The following IZUMO1 variants were observed in gnomAD, a reference collection of about 807,000 sequenced individuals.
IZUMO1 encodes izumo sperm-oocyte fusion 1.
Under a neutral mutation model 40.7 loss-of-function variants are expected in IZUMO1, and 44 were observed. The observed-to-expected ratio is 1.08, with a 90% CI of 0.85 to 1.39. The LOEUF (loss-of-function observed/expected upper bound fraction) is 1.39. Among genes scored for constraint, IZUMO1 ranks in the 40% most tolerant of loss-of-function variants. IZUMO1 has a pLI of 0.00. For missense variants in IZUMO1, 368 were observed against 436.9 expected, an observed-to-expected ratio of 0.84 and a Z score of 1.41; for synonymous variants, 149 against 170.9, an observed-to-expected ratio of 0.87 and a Z score of 1.00.
rs755560412 is a variant in IZUMO1 at position 48,741,327 on chromosome 19, T to G, written c.906A>C (p.Leu302=). 1 of 1,608,674 alleles carries G rather than the reference T, an allele frequency of 6.2e-7. No individual in the cohort carries two copies. The highest frequency in any genetic ancestry group is 8.5e-7 in the Non-Finnish European group (1 of 1,179,036). The part of the protein sequence containing the change: ...RLLGLLICGS[L]ALITGLTFAI... ...CAAAGGTAAGGCCGGTTATCAGTGC[T>G]AGGGAGCCGCAGATCAGCAGCCCCA... The change falls in exon 9 of 10, where the codon CTA becomes CTC. Residue 302 remains leucine (L), a synonymous_variant. Coordinates refer to ENST00000332955, the MANE Select transcript of IZUMO1 (RefSeq NM_182575.3). The surrounding 1 kb of genome is among the most constrained non-coding windows in gnomAD (Gnocchi z 4.4).
rs200883332 is a variant in IZUMO1, at chr19:48,745,867, G to A, written c.-8C>T. ...GGTAAAATGCGGCCCCATTGCAGCC[G>A]GCGCGCACAGTTCCCGAAGACCGTT... On this transcript the variant is annotated 5_prime_UTR_variant, in exon 2 of 10. Transcript: ENST00000332955. The A allele has an allele frequency of 1.9e-6, 3 of 1,613,946 alleles. No individual in the cohort carries two copies. In the East Asian group the frequency reaches 6.7e-5, roughly 36 times the overall value.
chr19:48,742,673 T>C (rs2033746957), intron 6 of IZUMO1, among the ~76,000 whole-genome samples: 1 of 149,316 alleles, frequency 6.7e-6, no homozygotes. Flanking sequence ...TACCCTCCCC[T>C]AATCCTTTAC....
chr19:48,746,163 A>G (rs1298603412), intron 1 of IZUMO1: 2 of 1,221,584 alleles, frequency 1.6e-6, no homozygotes, highest in Admixed American at 7.7e-5. Flanking sequence ...TTAAACAGGA[A>G]TCACTCATAA....
intron 5 of IZUMO1, 52 bp from the exon 6 acceptor site, chr19:48,743,577 A>T: frequency 7.1e-7 from 1 of 1,406,044 alleles, no homozygotes; most frequent in Non-Finnish European, 1.0e-6. Context: ...GCATGGCTAA[A>T]AGGAGAGGTC....
Position 48,740,861 on chromosome 19 carries a change from T to G in IZUMO1, c.*47A>C. On this transcript the variant is annotated 3_prime_UTR_variant, in exon 10 of 10. Transcript: ENST00000332955. The surrounding 1 kb of genome is among the most constrained non-coding windows in gnomAD (Gnocchi z 5.5). ...TCGGGGAACCAAAGGCTAGAATCAG[T>G]CCCGTCCCGGGGAGTGAGTCAGATG... 1 of 1,612,698 alleles carries G rather than the reference T, an allele frequency of 6.2e-7. No individual in the cohort carries two copies. Among genetic ancestry groups the G allele is most frequent in the Non-Finnish European group, 8.5e-7 (1 of 1,179,216 alleles).
Position 48,745,607 on chromosome 19 carries a change from G to C in IZUMO1, c.235+18C>G. ...CCTTTCCCAGGACCCAGGGGTCCGT[G>C]GTCCCCCCTGCCCTCACCAACGACC... On this transcript the variant is annotated intron_variant, in intron 2 of 9. Coordinates refer to ENST00000332955, the MANE Select transcript of IZUMO1 (RefSeq NM_182575.3). 1 of 1,613,274 alleles carries C rather than the reference G, an allele frequency of 6.2e-7. No individual in the cohort carries two copies. Among genetic ancestry groups the C allele is most frequent in the Non-Finnish European group, 8.5e-7 (1 of 1,179,302 alleles).
chr19:48,741,225 C>T lies in IZUMO1; in HGVS notation c.932+76G>A. On this transcript the variant is annotated intron_variant, in intron 9 of 9. Coordinates refer to ENST00000332955, the MANE Select transcript of IZUMO1 (RefSeq NM_182575.3). This position sits in a 1 kb window ranked among gnomAD's most constrained non-coding sequence, Gnocchi z 4.4. ...TCTCAGGCCTCAGTAGCCCCCAGAC[C>T]AGCTTCTGTGTTGGGTTCCTGGAAG... 7.5e-6 allele frequency: 11 copies of T among 1,474,982 alleles called. No homozygotes were observed. Among genetic ancestry groups the T allele is most frequent in the Non-Finnish European group, 9.9e-6 (11 of 1,107,604 alleles). The allele number at this position is 1,474,982 out of a possible 1,614,324, so 91.4% of individuals were successfully genotyped here. A position where few individuals can be genotyped will look rare whatever the true frequency, so the allele number is the denominator to read the frequency against.
chr19:48,743,769 G>A, intron 5 of IZUMO1: 2 of 542,748 alleles, frequency 3.7e-6, no homozygotes. Context: ...GAGGCGGGCG[G>A]ATCACAAGGT....
chr19:48,741,243 C>T lies in IZUMO1; in HGVS notation c.932+58G>A. ...CCCAGACCAGCTTCTGTGTTGGGTT[C>T]CTGGAAGCCCCGCCCCTTACTCCAA... On this transcript the variant is annotated intron_variant, in intron 9 of 9. Transcript: ENST00000332955. This position sits in a 1 kb window ranked among gnomAD's most constrained non-coding sequence, Gnocchi z 4.4. 6.7e-7 allele frequency: 1 copy of T among 1,500,636 alleles called. No individual in the cohort carries two copies. The highest frequency in any genetic ancestry group is 8.9e-7 in the Non-Finnish European group (1 of 1,124,622). 93.0% of individuals were successfully genotyped at this position (1,500,636 alleles called of 1,614,324 possible).
At chr19:48,744,408 A>C in intron 4 of IZUMO1, 45 bp downstream of exon 4, 1 of 1,452,734 alleles carries the variant, frequency 6.9e-7, no homozygotes, top group Admixed American at 1.7e-5. Flanking sequence ...ACTCTTGGAT[A>C]GTGGAAAGAG....
chr19:48,741,316 G>T lies in IZUMO1; in HGVS notation c.917C>A (p.Thr306Asn), dbSNP rs1351439252. 1 of 1,602,348 alleles carries T rather than the reference G, an allele frequency of 6.2e-7. No individual in the cohort carries two copies. The change falls in exon 9 of 10, where the codon ACC becomes AAC. Residue 306 changes from threonine (T) to asparagine (N), a missense_variant. Transcript: ENST00000332955. The surrounding 1 kb of genome is among the most constrained non-coding windows in gnomAD (Gnocchi z 4.4). ...GGTTGCTTACGCAAAGGTAAGGCCG[G>T]TTATCAGTGCTAGGGAGCCGCAGAT... ...LLICGSLALI[T>N]GLTFAIFRRR...
intron 5 of IZUMO1, 163 bp from the exon 6 acceptor site, chr19:48,743,688 G>A: frequency 1.6e-6 from 1 of 634,944 alleles, no homozygotes; most frequent in Admixed American, 2.4e-5. Context: ...CTCCAACAAG[G>A]CTCAGTAAAG....
At chr19:48,745,151 C>A in intron 3 of IZUMO1, 63 bp downstream of exon 3, 1 of 1,344,386 alleles carries the variant, frequency 7.4e-7, no homozygotes, top group South Asian at 1.2e-5. Context: ...ACCAAGAGAC[C>A]AGGCATCACT....
At chr19:48,744,122 G>C (rs1003583501) in intron 5 of IZUMO1, 53 bp downstream of exon 5, 11 of 1,545,980 alleles carry the variant, frequency 7.1e-6, no homozygotes, top group African/African-American at 1.4e-5. Flanking sequence ...CGAGTGGGGA[G>C]GTTGACTATT....
At position 48,744,181 on chromosome 19, in the gene IZUMO1, T is replaced by C. The variant is rs1436501079; in HGVS notation, c.412A>G (p.Lys138Glu). The C allele has an allele frequency of 6.2e-7, 1 of 1,613,490 alleles. No homozygotes were observed. The highest frequency in any genetic ancestry group is 8.5e-7 in the Non-Finnish European group (1 of 1,179,508). ...RFQKEAYCPN[K>E]CGVMLQTLIW... ...TTCTGTAATCCAGACTCACCACATT[T>C]GTTGGGACAATAAGCTGTGTCAAAA... Residue 138 changes from lysine to glutamate, a missense_variant, in exon 5 of 10, where the codon AAA (lysine) becomes GAA (glutamate). Transcript: ENST00000332955.
In IZUMO1 at chr19:48,743,453, T is replaced by C. The variant is rs1156715896; in HGVS notation, c.491A>G (p.Asp164Gly). 6.2e-7 allele frequency: 1 copy of C among 1,614,116 alleles called. No homozygotes were observed. The highest frequency in any genetic ancestry group is 8.5e-7 in the Non-Finnish European group (1 of 1,180,002). The change falls in exon 6 of 10, where the codon GAT becomes GGT. Residue 164 changes from aspartate to glycine, a missense_variant. Physicochemically the swap from Asp to Gly is moderately conservative, Grantham distance 94 (BLOSUM62 -1). Coordinates refer to ENST00000332955, the MANE Select transcript of IZUMO1 (RefSeq NM_182575.3). ...KEVHACRKSY[D>G]CGERNVEVPQ... is the part of the protein sequence containing the mutation. ...GGGTCCAGTTCTCTCACCCCCGCAA[T>C]CGTAGGACTTTCGACAAGCGTGAAC... is the stretch of plus-strand genomic sequence containing the variant.
chr19:48,742,140 G>A, intron 7 of IZUMO1, 69 bp downstream of exon 7: 1 of 1,492,442 alleles, frequency 6.7e-7, no homozygotes, highest in African/African-American at 1.4e-5. Context: ...GTGGGTGCAG[G>A]CCCATAGATC....
chr19:48,745,064 G>T, intron 3 of IZUMO1, 150 bp downstream of exon 3: 1 of 665,912 alleles, frequency 1.5e-6, no homozygotes, highest in Middle Eastern at 4.1e-4. Context: ...AAAGTCCTTT[G>T]CTCAAGGCCG....
In IZUMO1 at chr19:48,741,666, C is replaced by A; in HGVS notation, c.754+123G>T. ...CACGCCCCCGGCAGGAAGCCACACC[C>A]CGTGCCCCGAAACCACACCCAACAG... On this transcript the variant is annotated intron_variant, in intron 8 of 9. Coordinates refer to ENST00000332955, the MANE Select transcript of IZUMO1 (RefSeq NM_182575.3). The surrounding 1 kb of genome is among the most constrained non-coding windows in gnomAD (Gnocchi z 4.4). 7.5e-7 allele frequency: 1 copy of A among 1,340,828 alleles called. No individual in the cohort carries two copies. Among genetic ancestry groups the A allele is most frequent in the South Asian group, 1.5e-5 (1 of 66,916 alleles). The allele number at this position is 1,340,828 out of a possible 1,614,324, so 83.1% of individuals were successfully genotyped here.
Sources: allele counts gnomAD v4.1 joint callset (sites outside exome capture counted in the v4.1 genomes callset), GRCh38; gene constraint gnomAD v4.1.1; non-coding constraint Gnocchi (gnomAD v3.1); transcripts MANE v1.5; gene names NCBI Gene and HGNC (gene_info 2026-07-23, HGNC 2026-07-21).